The following LRRC49 variants were observed in gnomAD, a reference collection of about 807,000 sequenced individuals.
LRRC49 encodes the protein leucine-rich repeat-containing protein 49.
A neutral mutation model predicts 83.3 loss-of-function variants in LRRC49; 50 were observed. That is an observed-to-expected ratio of 0.60 (90% CI 0.48 to 0.76). LRRC49 has a LOEUF of 0.76. LRRC49 is among the 30% of genes least tolerant of loss of function. The pLI is 0.00. For missense variants in LRRC49, 704 were observed against 809.1 expected (o/e 0.87, Z 1.58); for synonymous variants, 286 against 283.3 (o/e 1.01, Z -0.10).
intron 7 of LRRC49, among the ~76,000 whole-genome samples, chr15:70,931,186 G>T (rs2035393011): frequency 1.3e-5 from 2 of 152,128 alleles, no homozygotes; most frequent in Non-Finnish European, 1.5e-5. Context: ...AGCACTTAGA[G>T]ACCATTGTAG....
upstream of LRRC49, among the ~76,000 whole-genome samples, chr15:70,891,281 T>C (rs540107029): frequency 2.6e-5 from 4 of 152,228 alleles, no homozygotes; most frequent in South Asian, 8.3e-4. Context: ...GTCAGCTCAC[T>C]AGGGATACTG....
rs557224545 is a variant in LRRC49, at chr15:70,954,619, A to G, written c.774-9166A>G. 9.9e-5 allele frequency among the ~76,000 whole-genome samples: 15 copies of G among 151,998 alleles called. No homozygotes were observed. In the East Asian group the frequency reaches 2.7e-3, roughly 27 times the overall value. ...GAGGCTTTTTGTTTTTATGATCTTT[A>G]TTGCCCTTAGGGTTTTTTGACTGTG... On this transcript the variant is annotated intron_variant, in intron 8 of 15. Transcript: ENST00000260382.
intron 7 of LRRC49, among the ~76,000 whole-genome samples, chr15:70,921,853 G>T (rs1327860102): frequency 6.6e-6 from 1 of 152,138 alleles, no homozygotes; most frequent in Non-Finnish European, 1.5e-5. Flanking sequence ...CCTACTTACC[G>T]TCTTGAACAG....
chr15:70,874,139 G>A (rs2033105974), intron 2 of LRRC49, among the ~76,000 whole-genome samples: 1 of 152,130 alleles, frequency 6.6e-6, no homozygotes, highest in African/African-American at 2.4e-5. Flanking sequence ...TTGAGACTCT[G>A]ATCGGAACTG....
At chr15:71,019,479 CAT>C (rs1356026243) in intron 14 of LRRC49, among the ~76,000 whole-genome samples, 7 of 152,124 alleles carry the variant, frequency 4.6e-5, no homozygotes, top group Non-Finnish European at 1.0e-4. Flanking sequence ...TTCAAGGAAA[CAT>C]AAATTTTTGT....
intron 10 of LRRC49, among the ~76,000 whole-genome samples, chr15:70,982,388 C>T (rs906845714): frequency 2.6e-5 from 4 of 152,110 alleles, no homozygotes; most frequent in Non-Finnish European, 5.9e-5. Context: ...GCATAGTCAT[C>T]AGCAAGTAAC....
rs572465955 is a variant in LRRC49 at position 70,937,131 on chromosome 15, G to C, written c.773+309G>C. On this transcript the variant is annotated intron_variant, in intron 8 of 15. Transcript: ENST00000260382. ...TGCTGTCCTTTGTTTGACATTCACG[G>C]CACTGGTCAGTTGAATTAGAATTTC... 2.6e-5 allele frequency among the ~76,000 whole-genome samples: 4 copies of C among 152,128 alleles called. No homozygotes were observed. In the East Asian group the frequency reaches 7.7e-4, roughly 29 times the overall value.
intron 15 of LRRC49, among the ~76,000 whole-genome samples, chr15:71,045,974 T>G (rs1286840064): frequency 6.6e-6 from 1 of 152,216 alleles, no homozygotes; most frequent in Non-Finnish European, 1.5e-5. Flanking sequence ...ATTAATTTGC[T>G]TAAGATTATG....
chr15:70,855,647 A>G lies in LRRC49; in HGVS notation c.-299+2178A>G, dbSNP rs1048400409. ...GGAGAGACCCAGGGGCCCAGCGAGGACAGCCCCTCTTCTTAAGGACACTAG... is the reference window on the plus strand; with the variant it reads ...GGAGAGACCCAGGGGCCCAGCGAGGGCAGCCCCTCTTCTTAAGGACACTAG... On this transcript the variant is annotated intron_variant, in intron 1 of 16. Transcript: ENST00000544974. 7.9e-5 allele frequency among the ~76,000 whole-genome samples: 12 copies of G among 152,328 alleles called. 1 individual carries two copies. Among genetic ancestry groups the G allele is most frequent in the African/African-American group, 2.9e-4 (12 of 41,574 alleles).
chr15:71,035,129 A>G (rs2039479299), intron 14 of LRRC49, among the ~76,000 whole-genome samples: 1 of 152,126 alleles, frequency 6.6e-6, no homozygotes, highest in African/African-American at 2.4e-5. Flanking sequence ...ATCCTATAAG[A>G]GGAACCAATT....
chr15:70,901,818 A>AT (rs1595998055), intron 4 of LRRC49, among the ~76,000 whole-genome samples: 1 of 152,060 alleles, frequency 6.6e-6, no homozygotes, highest in South Asian at 2.1e-4. Flanking sequence ...TCTTGATAAA[A>AT]TTTTTTTTAA....
intron 1 of LRRC49, 148 bp downstream of exon 1, chr15:70,893,090 T>A (rs1567039191): frequency 1.2e-6 from 1 of 850,382 alleles, no homozygotes. Context: ...GTTCGTGGGC[T>A]GGACCAAGGC....
At chr15:70,946,545 A>G (rs961334279) in intron 8 of LRRC49, among the ~76,000 whole-genome samples, 8 of 152,190 alleles carry the variant, frequency 5.3e-5, no homozygotes, top group Non-Finnish European at 1.0e-4. Context: ...TAATGCTGCA[A>G]TGAACATGGG....
intron 5 of LRRC49, among the ~76,000 whole-genome samples, chr15:70,905,231 A>G (rs1277334002): frequency 6.6e-6 from 1 of 152,202 alleles, no homozygotes; most frequent in Non-Finnish European, 1.5e-5. Context: ...TTCCTTTTAT[A>G]CAACTCTATT....
At chr15:71,013,846 G>A (rs768231968) in intron 14 of LRRC49, among the ~76,000 whole-genome samples, 5 of 152,154 alleles carry the variant, frequency 3.3e-5, no homozygotes, top group Non-Finnish European at 5.9e-5. Context: ...CCTTGCTATG[G>A]TCATGGAGCA....
chr15:70,950,152 A>T (rs1035232490), intron 8 of LRRC49, among the ~76,000 whole-genome samples: 6 of 152,132 alleles, frequency 3.9e-5, no homozygotes, highest in African/African-American at 1.2e-4. Flanking sequence ...ATTATTTTTT[A>T]TGTCTGTGTA....
chr15:71,012,933 G>T lies in LRRC49; in HGVS notation c.1703+20G>T, dbSNP rs761042520. On this transcript the variant is annotated intron_variant, in intron 14 of 15. Transcript: ENST00000260382. ...TGCCAGGTAACCTTTAATTTTTGTA[G>T]TTTTTTATAGAATTACTGTTACACT... is the stretch of plus-strand genomic sequence containing the variant. 6.8e-7 allele frequency: 1 copy of T among 1,472,856 alleles called. No individual in the cohort carries two copies. Among genetic ancestry groups the T allele is most frequent in the South Asian group, 1.2e-5 (1 of 84,994 alleles). 91.2% of individuals were successfully genotyped at this position (1,472,856 alleles called of 1,614,324 possible). A position where few individuals can be genotyped will look rare whatever the true frequency, so the allele number is the denominator to read the frequency against.
At chr15:71,043,271 G>T (rs2039752325) in intron 15 of LRRC49, among the ~76,000 whole-genome samples, 1 of 152,192 alleles carries the variant, frequency 6.6e-6, no homozygotes, top group African/African-American at 2.4e-5. Context: ...AGTTAAAATT[G>T]CTCTATAACA....
Position 71,037,383 on chromosome 15 carries a change from G to A in LRRC49, c.1857+51G>A, listed in dbSNP as rs149523933. ...TCTAATGCCAGGATATATCCCACAT[G>A]GCTTGGAATTTGGGGGTTGTACATT... On this transcript the variant is annotated intron_variant, in intron 15 of 15. Transcript: ENST00000260382. The A allele has an allele frequency of 4.4e-4, 646 of 1,452,488 alleles. 3 individuals carry two copies. The African/African-American group carries it at 8.4e-3, about 19-fold the overall frequency. 90.0% of individuals were successfully genotyped at this position (1,452,488 alleles called of 1,614,324 possible).
Sources: gnomAD v4.1 joint callset for allele counts (sites outside exome capture counted in the v4.1 genomes callset) on GRCh38, gnomAD v4.1.1 for gene constraint, MANE v1.5 for transcripts, NCBI Gene and HGNC (gene_info 2026-07-23, HGNC 2026-07-21) for gene names.